RARB: variants seen among roughly 807,000 people sequenced by gnomAD.
RARB encodes the protein HBV-activated protein.
Under a neutral mutation model 51.9 loss-of-function variants are expected in RARB, and 17 were observed. The observed-to-expected ratio is 0.33, with a 90% CI of 0.22 to 0.49. The LOEUF (loss-of-function observed/expected upper bound fraction) is 0.49, where lower values mean the gene tolerates loss of function less well. Ranked by LOEUF, RARB falls within the 20% of genes least tolerant of loss-of-function variation. RARB has a pLI of 0.99. For missense variants in RARB, 369 were observed against 550.8 expected (o/e 0.67, Z 3.30); for synonymous variants, 215 against 195.4 (o/e 1.10, Z -0.84).
Position 25,500,454 on chromosome 3 carries a change from G to GTTTTTTTTTTTTTTTTTTTTT in RARB, c.307-721_307-701dup, listed in dbSNP as rs753321842. On this transcript the variant is annotated intron_variant, in intron 2 of 7. Coordinates refer to ENST00000330688, the MANE Select transcript of RARB (RefSeq NM_000965.5). ...ATAATTTCTTTTTCTTTCTTTTCTT[G>GTTTTTTTTTTTTTTTTTTTTT]TTTTTTTTTTTTTTTTTTTTTTTTT... is the stretch of plus-strand genomic sequence containing the variant. Among the ~76,000 whole-genome samples the GTTTTTTTTTTTTTTTTTTTTT allele has an allele frequency of 8.8e-4, 58 of 66,138 alleles. 6 individuals are homozygous for GTTTTTTTTTTTTTTTTTTTTT. Among genetic ancestry groups the GTTTTTTTTTTTTTTTTTTTTT allele is most frequent in the East Asian group, 3.1e-3 (5 of 1,610 alleles). 43.4% of individuals were successfully genotyped at this position (66,138 alleles called of 152,430 possible). A position where few individuals can be genotyped will look rare whatever the true frequency, so the allele number is the denominator to read the frequency against.
chr3:25,341,586 C>G (rs1705229371), intron 5 of RARB, among the ~76,000 whole-genome samples: 1 of 152,114 alleles, frequency 6.6e-6, no homozygotes, highest in Non-Finnish European at 1.5e-5. Context: ...GTGACTGACT[C>G]TCCTATTCAT....
intron 5 of RARB, among the ~76,000 whole-genome samples, chr3:25,421,496 C>T (rs1707863121): frequency 7.3e-6 from 1 of 136,760 alleles, no homozygotes; most frequent in African/African-American, 2.9e-5. Context: ...ACTGCAACTT[C>T]CACCTCCCAG....
chr3:25,165,176 T>C (rs1209897795), intron 4 of RARB, among the ~76,000 whole-genome samples: 1 of 152,160 alleles, frequency 6.6e-6, no homozygotes, highest in East Asian at 1.9e-4. Context: ...ATGCCGTTCT[T>C]GACACTAAAG....
intron 3 of RARB, among the ~76,000 whole-genome samples, chr3:25,082,681 A>C (rs1000861623): frequency 2.0e-5 from 3 of 152,088 alleles, no homozygotes; most frequent in African/African-American, 7.2e-5. Flanking sequence ...ATAAATTAAG[A>C]AGCAAAAAAT....
At chr3:25,171,901 G>A (rs570157263) in intron 4 of RARB, among the ~76,000 whole-genome samples, 15 of 151,954 alleles carry the variant, frequency 9.9e-5, no homozygotes, top group South Asian at 8.3e-4. Context: ...ATTGGATAAC[G>A]TATGCTTTTT....
At position 25,498,865 on chromosome 3, in the gene RARB, C is replaced by T. The variant is rs182617036; in HGVS notation, c.307-2317C>T. ...CTACATCTGGCAGCAGAAAGTGGCC[C>T]ACAGTTATATTTTTTGTAGGGAAAG... On this transcript the variant is annotated intron_variant, in intron 2 of 7. Coordinates refer to ENST00000330688, the MANE Select transcript of RARB (RefSeq NM_000965.5). Among the ~76,000 whole-genome samples, 178 of 152,266 alleles carry T rather than the reference C, an allele frequency of 1.2e-3. 1 individual carries two copies. Among genetic ancestry groups the T allele is most frequent in the Non-Finnish European group, 1.7e-3 (117 of 68,022 alleles).
At chr3:25,384,418 A>G (rs1329083017) in intron 5 of RARB, among the ~76,000 whole-genome samples, 1 of 152,198 alleles carries the variant, frequency 6.6e-6, no homozygotes, top group African/African-American at 2.4e-5. Flanking sequence ...GTTGTCCTCT[A>G]TATTGGGCAA....
At chr3:25,365,353 C>T (rs1350789463) in intron 5 of RARB, among the ~76,000 whole-genome samples, 1 of 151,776 alleles carries the variant, frequency 6.6e-6, no homozygotes, top group Non-Finnish European at 1.5e-5. Context: ...CTAAAGTGAT[C>T]CTCCTGCCTC....
At chr3:24,848,399 CTCTT>C (rs1331758490) in intron 1 of RARB, among the ~76,000 whole-genome samples, 1 of 150,356 alleles carries the variant, frequency 6.7e-6, no homozygotes, top group African/African-American at 2.5e-5. Context: ...AATACTGTCT[CTCTT>C]TCTTTTTAAC....
At chr3:24,989,774 C>CTTTTTTTTTTTTTTTTTTTT (rs769275874) in intron 2 of RARB, among the ~76,000 whole-genome samples, 1 of 29,532 alleles carries the variant, frequency 3.4e-5, no homozygotes, top group African/African-American at 1.3e-4. Context: ...ATATGTTTTT[C>CTTTTTTTTTTTTTTTTTTTT]TTTTTTTTTT....
intron 2 of RARB, among the ~76,000 whole-genome samples, chr3:24,860,683 C>G (rs982394189): frequency 6.6e-6 from 1 of 152,128 alleles, no homozygotes; most frequent in African/African-American, 2.4e-5. Flanking sequence ...TCTTCTAAAT[C>G]ATTGCAAGCT....
At chr3:25,217,112 G>T (rs183947882) in intron 5 of RARB, among the ~76,000 whole-genome samples, 1 of 152,052 alleles carries the variant, frequency 6.6e-6, no homozygotes, top group Admixed American at 6.5e-5. Context: ...AGGAGGAAGC[G>T]GTGATATTGC....
chr3:25,264,131 G>T (rs528629881), intron 5 of RARB, among the ~76,000 whole-genome samples: 71 of 150,082 alleles, frequency 4.7e-4, no homozygotes, highest in African/African-American at 1.5e-3. Context: ...TTAAAAAAAG[G>T]TTGATTCTGT....
At chr3:25,263,416 A>G (rs891025035) in intron 5 of RARB, among the ~76,000 whole-genome samples, 1 of 152,154 alleles carries the variant, frequency 6.6e-6, no homozygotes, top group African/African-American at 2.4e-5. Context: ...TAACTAGTCT[A>G]TTTTGCCAAC....
chr3:25,430,680 T>C (rs1462090158), intron 1 of RARB, among the ~76,000 whole-genome samples: 1 of 152,212 alleles, frequency 6.6e-6, no homozygotes, highest in African/African-American at 2.4e-5. Context: ...AACTACCCGA[T>C]AAGCAAGAAG....
chr3:25,207,438 T>C (rs75979995), intron 5 of RARB, among the ~76,000 whole-genome samples: 11 of 152,336 alleles, frequency 7.2e-5, no homozygotes, highest in Non-Finnish European at 1.5e-4. Flanking sequence ...CCTGTTTTAA[T>C]GTGCTGCTTA....
At chr3:25,132,254 T>C (rs1020403543) in intron 4 of RARB, among the ~76,000 whole-genome samples, 2 of 151,832 alleles carry the variant, frequency 1.3e-5, no homozygotes, top group African/African-American at 2.4e-5. Flanking sequence ...GGGAAAAGCA[T>C]CTATGTTTAA....
At chr3:24,872,149 C>G (rs1702960277) in intron 2 of RARB, among the ~76,000 whole-genome samples, 1 of 152,172 alleles carries the variant, frequency 6.6e-6, no homozygotes, top group Non-Finnish European at 1.5e-5. Context: ...CCTACAAAGA[C>G]CTACAAGGAA....
At chr3:25,031,057 A>G (rs1052118065) in intron 2 of RARB, among the ~76,000 whole-genome samples, 6 of 152,154 alleles carry the variant, frequency 3.9e-5, no homozygotes, top group African/African-American at 1.2e-4. Flanking sequence ...CATTTGGGGC[A>G]TGATATGTTT....
Sources: allele counts gnomAD v4.1 joint callset (sites outside exome capture counted in the v4.1 genomes callset), GRCh38; gene constraint gnomAD v4.1.1; transcripts MANE v1.5; gene names NCBI Gene and HGNC (gene_info 2026-07-23, HGNC 2026-07-21).